SYT9: variants seen among roughly 807,000 people sequenced by gnomAD.
SYT9 encodes the protein synaptotagmin 9.
Under a neutral mutation model 48.4 loss-of-function variants are expected in SYT9, and 22 were observed. That is an observed-to-expected ratio of 0.45 (90% CI 0.32 to 0.65). SYT9 has a LOEUF of 0.65. Among genes scored for constraint, SYT9 ranks in the 30% least tolerant of loss-of-function variants. SYT9 has a pLI of 0.03. For synonymous variants in SYT9, 265 were observed against 245.0 expected, an observed-to-expected ratio of 1.08 and a Z score of -0.76; for missense variants, 577 against 622.0, an observed-to-expected ratio of 0.93 and a Z score of 0.77.
In SYT9 at chr11:7,252,053, C is replaced by A; in HGVS notation, c.-134C>A. 9.2e-7 allele frequency: 1 copy of A among 1,086,850 alleles called. No individual in the cohort carries two copies. The highest frequency in any genetic ancestry group is 1.2e-6 in the Non-Finnish European group (1 of 833,490). The allele number at this position is 1,086,850 out of a possible 1,614,324, so 67.3% of individuals were successfully genotyped here. A position where few individuals can be genotyped will look rare whatever the true frequency, so the allele number is the denominator to read the frequency against. ...GCCGGCTGGGTCTGGGGCTCGGGCTCAGGCTCGCACCGTTTCTCGGCAGGT... is the reference window on the plus strand; with the variant it reads ...GCCGGCTGGGTCTGGGGCTCGGGCTAAGGCTCGCACCGTTTCTCGGCAGGT... On this transcript the variant is annotated 5_prime_UTR_variant, in exon 1 of 7. It introduces an in-frame stop codon into an upstream open reading frame of the 5' UTR. Coordinates refer to ENST00000318881, the MANE Select transcript of SYT9 (RefSeq NM_175733.4). This position sits in a 1 kb window ranked among gnomAD's most constrained non-coding sequence, Gnocchi z 6.3.
rs1437491158 is a variant in SYT9, at chr11:7,310,475, C to G, written c.498-2920C>G. Among the ~76,000 whole-genome samples, 3 of 132,912 alleles carry G rather than the reference C, an allele frequency of 2.3e-5. No homozygotes were observed. In the Admixed American group the frequency reaches 2.5e-4, roughly 11 times the overall value. 87.2% of individuals were successfully genotyped at this position (132,912 alleles called of 152,430 possible). ...TTTTTTTTTTTTTTTGAGACGGAGTCTCACCCTGTCGCCCAGGCTGGAGTA... is the reference window on the plus strand; with the variant it reads ...TTTTTTTTTTTTTTTGAGACGGAGTGTCACCCTGTCGCCCAGGCTGGAGTA... On this transcript the variant is annotated intron_variant, in intron 2 of 6. Transcript: ENST00000318881.
At chr11:7,395,500 A>G (rs1443413157) in intron 3 of SYT9, among the ~76,000 whole-genome samples, 7 of 152,068 alleles carry the variant, frequency 4.6e-5, no homozygotes, top group East Asian at 1.9e-4. Flanking sequence ...TCCTGGGTCT[A>G]TAAGTACTTG....
intron 3 of SYT9, among the ~76,000 whole-genome samples, chr11:7,391,014 T>C (rs2134060365): frequency 6.6e-6 from 1 of 152,214 alleles, no homozygotes; most frequent in Middle Eastern, 3.4e-3. Context: ...GTATCTCTTG[T>C]CCCCATGTCT....
intron 6 of SYT9, chr11:7,438,081 T>C (rs907278405): frequency 6.6e-6 from 1 of 152,144 alleles, no homozygotes; most frequent in South Asian, 2.1e-4. Flanking sequence ...GACAGGAAAT[T>C]GTTCCAGTGT....
At chr11:7,355,984 T>G (rs1024073667) in intron 3 of SYT9, among the ~76,000 whole-genome samples, 4 of 152,248 alleles carry the variant, frequency 2.6e-5, no homozygotes, top group Non-Finnish European at 5.9e-5. Context: ...AGATGTTTCC[T>G]ATATGAATCT....
intron 3 of SYT9, among the ~76,000 whole-genome samples, chr11:7,354,398 A>G (rs1016714128): frequency 6.6e-6 from 1 of 152,206 alleles, no homozygotes; most frequent in Non-Finnish European, 1.5e-5. Context: ...GGTGAATGTG[A>G]TGGTCCAAAT....
At chr11:7,300,280 CA>C in intron 1 of SYT9, among the ~76,000 whole-genome samples, 1 of 152,304 alleles carries the variant, frequency 6.6e-6, no homozygotes, top group Non-Finnish European at 1.5e-5. Flanking sequence ...GCTAATGCCA[CA>C]AGTCTTCTCA....
At chr11:7,331,351 C>T (rs74667375) in intron 3 of SYT9, among the ~76,000 whole-genome samples, 1,869 of 151,244 alleles carry the variant, frequency 0.012, 23 homozygotes, top group Non-Finnish European at 0.016. Flanking sequence ...CAATGTCTGC[C>T]ACAAGTTTTA....
chr11:7,272,482 G>GT (rs545448737), intron 1 of SYT9, among the ~76,000 whole-genome samples: 407 of 149,814 alleles, frequency 2.7e-3, no homozygotes, highest in Admixed American at 3.9e-3. Context: ...TTTTATTGGT[G>GT]TTTTTTTTTC....
intron 1 of SYT9, among the ~76,000 whole-genome samples, chr11:7,253,837 G>A (rs949695521): frequency 1.3e-5 from 2 of 152,152 alleles, no homozygotes; most frequent in African/African-American, 4.8e-5. Context: ...GGGGAAGTTC[G>A]TCCTTAAGCA....
intron 1 of SYT9, among the ~76,000 whole-genome samples, chr11:7,255,344 A>T (rs1589888985): frequency 6.6e-6 from 1 of 151,158 alleles, no homozygotes; most frequent in East Asian, 2.0e-4. Flanking sequence ...TATGGTCAAG[A>T]GTTAGAGAGG....
At chr11:7,422,814 T>G (rs1428310404) in intron 6 of SYT9, among the ~76,000 whole-genome samples, 2 of 152,146 alleles carry the variant, frequency 1.3e-5, no homozygotes, top group Non-Finnish European at 2.9e-5. Flanking sequence ...TGGCAGTATA[T>G]GCACGTGTTA....
At chr11:7,247,914 T>C (rs1431462974), upstream of SYT9, among the ~76,000 whole-genome samples, 2 of 152,090 alleles carry the variant, frequency 1.3e-5, no homozygotes, top group Non-Finnish European at 2.9e-5. Context: ...CTGTTTTCCA[T>C]AGTGGTTGTA....
intron 1 of SYT9, among the ~76,000 whole-genome samples, chr11:7,288,541 A>G (rs904877182): frequency 1.3e-5 from 2 of 152,194 alleles, no homozygotes; most frequent in African/African-American, 2.4e-5. Context: ...GATAGGAAGG[A>G]CCTCTGTCCT....
At chr11:7,423,870 C>A (rs1847401713) in intron 6 of SYT9, among the ~76,000 whole-genome samples, 1 of 152,210 alleles carries the variant, frequency 6.6e-6, no homozygotes, top group Admixed American at 6.5e-5. Flanking sequence ...AGACAGGCTG[C>A]TGTTATGCTC....
At chr11:7,376,282 CTCTCTTTT>C (rs780526224) in intron 3 of SYT9, among the ~76,000 whole-genome samples, 27 of 151,434 alleles carry the variant, frequency 1.8e-4, no homozygotes, top group African/African-American at 6.5e-4. Context: ...TCTTCTCTTT[CTCTCTTTT>C]TCTCTTTATC....
chr11:7,286,782 A>G (rs1467601434), intron 1 of SYT9, among the ~76,000 whole-genome samples: 1 of 152,186 alleles, frequency 6.6e-6, no homozygotes, highest in African/African-American at 2.4e-5. Flanking sequence ...GCATAGCAAG[A>G]GTGATCTTTA....
chr11:7,310,578 C>G (rs1351978739), intron 2 of SYT9, among the ~76,000 whole-genome samples: 1 of 151,674 alleles, frequency 6.6e-6, no homozygotes, highest in Non-Finnish European at 1.5e-5. Flanking sequence ...TCCCAAGTAG[C>G]TGGGACTACA....
intron 3 of SYT9, among the ~76,000 whole-genome samples, chr11:7,338,550 T>C (rs1052113114): frequency 3.3e-5 from 5 of 152,218 alleles, no homozygotes; most frequent in Non-Finnish European, 5.9e-5. Context: ...ATGTTGTGTC[T>C]TTGTTCTCAT....
Sources: gnomAD v4.1 joint callset for allele counts (sites outside exome capture counted in the v4.1 genomes callset) on GRCh38, gnomAD v4.1.1 for gene constraint, Gnocchi (gnomAD v3.1) non-coding constraint, MANE v1.5 for transcripts, NCBI Gene and HGNC (gene_info 2026-07-23, HGNC 2026-07-21) for gene names.